Variants in SLC24A3 observed in about 807,000 individuals in gnomAD.
SLC24A3 encodes the protein solute carrier family 24 member 3.
A neutral mutation model predicts 75.8 loss-of-function variants in SLC24A3; 28 were observed. That is an observed-to-expected ratio of 0.37 (90% CI 0.27 to 0.51). The LOEUF is 0.51. Among genes scored for constraint, SLC24A3 ranks in the 20% least tolerant of loss-of-function variants. The pLI, the probability that SLC24A3 is intolerant of heterozygous loss-of-function variation, is 0.94. For missense variants in SLC24A3, 663 were observed against 847.8 expected, an observed-to-expected ratio of 0.78 and a Z score of 2.71; for synonymous variants, 372 against 334.1, an observed-to-expected ratio of 1.11 and a Z score of -1.24.
intron 3 of SLC24A3, among the ~76,000 whole-genome samples, chr20:19,525,046 G>T (rs984011054): frequency 6.6e-6 from 1 of 152,200 alleles, no homozygotes; most frequent in African/African-American, 2.4e-5. Context: ...AACAAGACCT[G>T]CTGCTTATCA....
chr20:19,383,418 T>C (rs559987087), intron 2 of SLC24A3, among the ~76,000 whole-genome samples: 91 of 152,248 alleles, frequency 6.0e-4, no homozygotes, highest in South Asian at 2.1e-3. Context: ...AAAAACCGAA[T>C]GACCATTTAT....
chr20:19,458,797 A>G (rs1987621573), intron 2 of SLC24A3, among the ~76,000 whole-genome samples: 2 of 152,326 alleles, frequency 1.3e-5, no homozygotes, highest in South Asian at 4.1e-4. Flanking sequence ...TTGTTAATAC[A>G]TACCCTATGG....
chr20:19,685,135 C>A lies in SLC24A3; in HGVS notation c.1098C>A (p.Asn366Lys). ...QRLINSRAYTNGESEVAIKIP... is the reference protein window; with the variant it reads ...QRLINSRAYTKGESEVAIKIP... ...TGATAAACAGCAGGGCTTATACCAA[C>A]GGGGAATCTGAGGTGGCCATCAAAA... Residue 366 changes from asparagine to lysine, a missense_variant, in exon 12 of 17, where the codon AAC (asparagine) becomes AAA (lysine). Transcript: ENST00000328041. 2 of 1,613,446 alleles carry A rather than the reference C, an allele frequency of 1.2e-6. No homozygotes were observed. The highest frequency in any genetic ancestry group is 1.7e-6 in the Non-Finnish European group (2 of 1,179,442).
chr20:19,660,483 G>T (rs531150602), intron 7 of SLC24A3, among the ~76,000 whole-genome samples: 1 of 152,180 alleles, frequency 6.6e-6, no homozygotes, highest in South Asian at 2.1e-4. Context: ...TCTTTTCGTG[G>T]CTCAGTAGTA....
intron 4 of SLC24A3, 39 bp downstream of exon 4, chr20:19,580,113 G>C: frequency 6.4e-7 from 1 of 1,567,356 alleles, no homozygotes; most frequent in Non-Finnish European, 8.8e-7. Flanking sequence ...GAGCCAGACT[G>C]GGGACTGGAC....
chr20:19,406,239 A>AG (rs1986644572), intron 2 of SLC24A3, among the ~76,000 whole-genome samples: 1 of 151,732 alleles, frequency 6.6e-6, no homozygotes, highest in African/African-American at 2.4e-5. Flanking sequence ...AGAGAGAGAG[A>AG]AAGCATATCT....
At chr20:19,403,922 G>T (rs1035381278) in intron 2 of SLC24A3, among the ~76,000 whole-genome samples, 3 of 152,182 alleles carry the variant, frequency 2.0e-5, no homozygotes, top group Admixed American at 6.5e-5. Flanking sequence ...AAAATAAAAT[G>T]GGTAACCCTC....
At chr20:19,504,738 A>G (rs1426155071) in intron 2 of SLC24A3, among the ~76,000 whole-genome samples, 1 of 152,250 alleles carries the variant, frequency 6.6e-6, no homozygotes, top group Non-Finnish European at 1.5e-5. Context: ...TTGAGAAACA[A>G]AGGAGTCCAA....
intron 16 of SLC24A3, among the ~76,000 whole-genome samples, chr20:19,719,762 T>C (rs868833285): frequency 1.3e-5 from 2 of 152,090 alleles, no homozygotes; most frequent in Admixed American, 1.3e-4. Flanking sequence ...ATGAACCAGA[T>C]TGGGACTTGG....
At chr20:19,253,139 A>G (rs1420105581) in intron 1 of SLC24A3, among the ~76,000 whole-genome samples, 8 of 152,046 alleles carry the variant, frequency 5.3e-5, no homozygotes, top group Admixed American at 2.6e-4. Flanking sequence ...CGGTGGTCTC[A>G]TCTGCCATTT....
At chr20:19,551,717 G>A (rs2030698168) in intron 3 of SLC24A3, among the ~76,000 whole-genome samples, 1 of 152,066 alleles carries the variant, frequency 6.6e-6, no homozygotes, top group Non-Finnish European at 1.5e-5. Flanking sequence ...AGACACTCTG[G>A]CAGAAGGCTC....
intron 2 of SLC24A3, among the ~76,000 whole-genome samples, chr20:19,461,525 TTTTC>T (rs1165305625): frequency 1.5e-4 from 21 of 137,852 alleles, no homozygotes; most frequent in South Asian, 9.0e-4. Context: ...CTTTTCTTTT[TTTTC>T]TTTTTTTTTT....
At chr20:19,562,599 A>G (rs2030892350) in intron 3 of SLC24A3, among the ~76,000 whole-genome samples, 1 of 152,202 alleles carries the variant, frequency 6.6e-6, no homozygotes, top group African/African-American at 2.4e-5. Context: ...GTGAAGTTGA[A>G]AGTGCTGTAA....
chr20:19,604,925 T>C lies in SLC24A3; in HGVS notation c.612+19381T>C, dbSNP rs529347531. ...CTCATTGTCTAAATCTCATCCTTTT[T>C]CCACAGGCTGTCAGCATTCCCCTCT... On this transcript the variant is annotated intron_variant, in intron 6 of 16. Coordinates refer to ENST00000328041, the MANE Select transcript of SLC24A3 (RefSeq NM_020689.4). 2.5e-4 allele frequency among the ~76,000 whole-genome samples: 38 copies of C among 152,290 alleles called. No homozygotes were observed. In the South Asian group the frequency reaches 7.5e-3, roughly 30 times the overall value.
At chr20:19,352,569 G>A (rs1985595358) in intron 2 of SLC24A3, among the ~76,000 whole-genome samples, 1 of 152,166 alleles carries the variant, frequency 6.6e-6, no homozygotes, top group Non-Finnish European at 1.5e-5. Flanking sequence ...CTGAGCCTCA[G>A]GGATTCAGGA....
At chr20:19,471,934 T>A (rs1238900261) in intron 2 of SLC24A3, among the ~76,000 whole-genome samples, 4 of 152,264 alleles carry the variant, frequency 2.6e-5, no homozygotes, top group African/African-American at 9.6e-5. Flanking sequence ...AATCTCTGCA[T>A]GACAGAGAGA....
At chr20:19,649,157 A>T (rs2032171494) in intron 6 of SLC24A3, among the ~76,000 whole-genome samples, 1 of 152,190 alleles carries the variant, frequency 6.6e-6, no homozygotes, top group Non-Finnish European at 1.5e-5. Context: ...CTGCCAACAG[A>T]TGCAAAGAGC....
At chr20:19,282,113 G>C (rs73899695) in intron 2 of SLC24A3, among the ~76,000 whole-genome samples, 3,469 of 152,168 alleles carry the variant, frequency 0.023, 131 homozygotes, top group African/African-American at 0.08. Flanking sequence ...CTCCATTGCA[G>C]CCCAAACAAC....
chr20:19,579,804 A>C (rs568069875), intron 3 of SLC24A3, among the ~76,000 whole-genome samples, 196 bp from the exon 4 acceptor site: 2 of 152,216 alleles, frequency 1.3e-5, no homozygotes, highest in Non-Finnish European at 2.9e-5. Context: ...GCAAAAGGAG[A>C]GTGACAGGTG....
Sources: gnomAD v4.1 joint callset for allele counts (sites outside exome capture counted in the v4.1 genomes callset) on GRCh38, gnomAD v4.1.1 for gene constraint, MANE v1.5 for transcripts, NCBI Gene and HGNC (gene_info 2026-07-23, HGNC 2026-07-21) for gene names.